The following NUMB variants were observed in gnomAD, a reference collection of about 807,000 sequenced individuals.
The protein encoded by NUMB is NUMB endocytic adaptor protein, also known as protein numb homolog.
Under a neutral mutation model 59.7 loss-of-function variants are expected in NUMB, and 29 were observed. The observed-to-expected ratio is 0.49, with a 90% CI of 0.36 to 0.66. The LOEUF (loss-of-function observed/expected upper bound fraction) is 0.66, where lower values mean the gene tolerates loss of function less well. Ranked by LOEUF, NUMB falls within the 30% of genes least tolerant of loss-of-function variation. The probability of loss-of-function intolerance (pLI) is 0.00; values close to 1 mark genes in which losing one functional copy is unlikely to be tolerated. For synonymous variants in NUMB, 288 were observed against 288.2 expected, an observed-to-expected ratio of 1.00 and a Z score of 0.01; for missense variants, 723 against 822.0, an observed-to-expected ratio of 0.88 and a Z score of 1.47.
intron 5 of NUMB, 150 bp downstream of exon 5, chr14:73,322,980 C>T (rs1478603014): frequency 1.5e-5 from 9 of 589,482 alleles, no homozygotes; most frequent in African/African-American, 3.8e-5. Context: ...AGTGAGCCAC[C>T]GCGCTTGGCT....
intron 4 of NUMB, among the ~76,000 whole-genome samples, chr14:73,352,521 TA>T (rs1893435686): frequency 2.8e-4 from 7 of 24,952 alleles, no homozygotes; most frequent in African/African-American, 9.9e-4. Context: ...TATATATATA[TA>T]TATATATGTT....
intron 4 of NUMB, among the ~76,000 whole-genome samples, chr14:73,354,938 C>T (rs1893700729): frequency 6.6e-6 from 1 of 151,208 alleles, no homozygotes; most frequent in Admixed American, 6.6e-5. Context: ...TGGTCTAGTT[C>T]TATTTTTTTG....
At chr14:73,278,169 C>G (rs956853734) in intron 12 of NUMB, among the ~76,000 whole-genome samples, 4 of 152,106 alleles carry the variant, frequency 2.6e-5, no homozygotes, top group Admixed American at 2.6e-4. Context: ...TCTTGCTGGC[C>G]TCTGCCTGGC....
intron 2 of NUMB, among the ~76,000 whole-genome samples, chr14:73,391,053 T>C (rs1594980959): frequency 9.9e-6 from 1 of 101,396 alleles, no homozygotes; most frequent in East Asian, 2.1e-4. Context: ...TTTTTGAAAA[T>C]AGAGGTTGAA....
At chr14:73,308,766 G>A (rs1333147070) in intron 6 of NUMB, among the ~76,000 whole-genome samples, 1 of 152,178 alleles carries the variant, frequency 6.6e-6, no homozygotes, top group East Asian at 1.9e-4. Context: ...ACAGACGAAG[G>A]GGAGAACTGG....
intron 4 of NUMB, among the ~76,000 whole-genome samples, chr14:73,340,640 CA>C (rs1184297063): frequency 6.6e-6 from 1 of 152,118 alleles, no homozygotes; most frequent in Non-Finnish European, 1.5e-5. Context: ...CTAAATACAT[CA>C]ATGAATTATC....
chr14:73,279,572 G>C (rs1428031271), intron 11 of NUMB, 148 bp from the exon 12 acceptor site: 2 of 649,550 alleles, frequency 3.1e-6, no homozygotes, highest in East Asian at 3.2e-5. Flanking sequence ...ATGATATCTT[G>C]CATTGGATGT....
chr14:73,415,158 G>T (rs139013874), intron 1 of NUMB, among the ~76,000 whole-genome samples: 1 of 147,626 alleles, frequency 6.8e-6, no homozygotes, highest in Non-Finnish European at 1.5e-5. Context: ...ACTTCATTTC[G>T]TCATTGGTCT....
intron 1 of NUMB, among the ~76,000 whole-genome samples, chr14:73,452,249 A>G (rs1884038723): frequency 6.6e-6 from 1 of 152,180 alleles, no homozygotes; most frequent in African/African-American, 2.4e-5. Context: ...AATCCCAGCT[A>G]CTAGGGAGGA....
intron 2 of NUMB, among the ~76,000 whole-genome samples, chr14:73,378,734 T>C (rs1007968514): frequency 1.3e-5 from 2 of 152,198 alleles, no homozygotes; most frequent in East Asian, 3.8e-4. Context: ...GACCTGTAAC[T>C]GCCAGGGGTA....
intron 2 of NUMB, among the ~76,000 whole-genome samples, chr14:73,391,011 A>G (rs943577730): frequency 2.6e-5 from 4 of 151,438 alleles, no homozygotes; most frequent in Admixed American, 6.6e-5. Flanking sequence ...TAGGCCCTCA[A>G]TATAAGACTT....
At chr14:73,307,749 T>C (rs1335558443) in intron 6 of NUMB, among the ~76,000 whole-genome samples, 1 of 147,292 alleles carries the variant, frequency 6.8e-6, no homozygotes, top group African/African-American at 2.5e-5. Context: ...TTTTTTTTTT[T>C]TGAGACGGAG....
At position 73,330,910 on chromosome 14, in the gene NUMB, C is replaced by T. The variant is rs148068743; in HGVS notation, c.127-7706G>A. 1.0e-3 allele frequency among the ~76,000 whole-genome samples: 152 copies of T among 152,258 alleles called. 1 individual carries two copies. Among genetic ancestry groups the T allele is most frequent in the Admixed American group, 2.4e-3 (36 of 15,282 alleles). ...ACCCAGGGATACCAATAGTGTGGTT[C>T]AGTTCAAGTCCAAAAGCCTTAGAAC... On this transcript the variant is annotated intron_variant, in intron 4 of 12. Transcript: ENST00000555238.
chr14:73,320,133 G>GT (rs1891321671), intron 5 of NUMB, among the ~76,000 whole-genome samples: 1 of 139,884 alleles, frequency 7.1e-6, no homozygotes, highest in Non-Finnish European at 1.6e-5. Context: ...CTCCGACTCG[G>GT]CGGGGGGGCA....
intron 4 of NUMB, among the ~76,000 whole-genome samples, chr14:73,345,586 C>T (rs1175937435): frequency 6.6e-6 from 1 of 152,072 alleles, no homozygotes; most frequent in Non-Finnish European, 1.5e-5. Context: ...TCAGTTATAG[C>T]TACTAATAAT....
chr14:73,387,537 G>A (rs1025754719), intron 2 of NUMB, among the ~76,000 whole-genome samples: 2 of 151,910 alleles, frequency 1.3e-5, no homozygotes, highest in African/African-American at 2.4e-5. Flanking sequence ...ACCATATGAA[G>A]GACGTGTTTG....
intron 2 of NUMB, among the ~76,000 whole-genome samples, chr14:73,406,998 C>T (rs143100471): frequency 0.015 from 2,340 of 152,154 alleles, 32 homozygotes; most frequent in Middle Eastern, 0.065. Context: ...TGCACCACCA[C>T]GTCCAGCTAA....
intron 6 of NUMB, among the ~76,000 whole-genome samples, chr14:73,303,609 A>C (rs568963164): frequency 3.1e-4 from 47 of 152,144 alleles, no homozygotes; most frequent in Admixed American, 4.6e-4. Flanking sequence ...CAAAACAAAA[A>C]AAAAACATGC....
intron 6 of NUMB, among the ~76,000 whole-genome samples, chr14:73,305,337 G>T (rs747028075): frequency 2.6e-5 from 4 of 151,944 alleles, no homozygotes; most frequent in African/African-American, 9.7e-5. Context: ...GAATCTTCTT[G>T]GAAAGATAAT....
Sources: allele counts gnomAD v4.1 joint callset (sites outside exome capture counted in the v4.1 genomes callset), GRCh38; gene constraint gnomAD v4.1.1; transcripts MANE v1.5; gene names NCBI Gene and HGNC (gene_info 2026-07-23, HGNC 2026-07-21).